Variants in PLRG1 observed in about 807,000 individuals in gnomAD.
The protein encoded by PLRG1 is pleiotropic regulator 1, also known as pleiotropic regulator 1 (PRL1 homolog, Arabidopsis).
PLRG1 carries 28 observed loss-of-function variants against 74.9 expected under a neutral mutation model. The ratio of observed to expected loss-of-function variants is 0.37; its 90% CI spans 0.28 to 0.51. PLRG1 has a LOEUF of 0.51. Among genes scored for constraint, PLRG1 ranks in the 20% least tolerant of loss-of-function variants. PLRG1 has a pLI of 0.91. For synonymous variants in PLRG1, 197 were observed against 212.4 expected, an observed-to-expected ratio of 0.93 and a Z score of 0.63; for missense variants, 445 against 631.9, an observed-to-expected ratio of 0.70 and a Z score of 3.17.
At chr4:154,546,359 A>T (rs980095782) in intron 4 of PLRG1, 146 bp from the exon 5 acceptor site, 1 of 609,808 alleles carries the variant, frequency 1.6e-6, no homozygotes, top group Non-Finnish European at 3.0e-6. Context: ...AGTTTTGCTC[A>T]TCTTTGTTTT....
chr4:154,547,933 T>G lies in PLRG1; in HGVS notation c.117-80A>C, dbSNP rs1205965550. The G allele has an allele frequency of 6.6e-6, 7 of 1,052,756 alleles. No individual in the cohort carries two copies. The African/African-American group carries it at 1.1e-4, about 17-fold the overall frequency. 65.2% of individuals were successfully genotyped at this position (1,052,756 alleles called of 1,614,324 possible). A position where few individuals can be genotyped will look rare whatever the true frequency, so the allele number is the denominator to read the frequency against. On this transcript the variant is annotated intron_variant, in intron 2 of 14. Transcript: ENST00000499023. ...CTTAGCTTAAGTTTGCCCATTCACGTAGAAAAAGTTTCTAGTATGATTTTA... is the reference window on the plus strand; with the variant it reads ...CTTAGCTTAAGTTTGCCCATTCACGGAGAAAAAGTTTCTAGTATGATTTTA...
In PLRG1 at chr4:154,535,281, A is replaced by G. The variant is rs1356418485; in HGVS notation, c.*1404T>C. ...CGAATACTTAGAAACAAATTGCATA[A>G]AGGTACCATCTATTAAACCAGTCCC... On this transcript the variant is annotated 3_prime_UTR_variant, in exon 15 of 15. Coordinates refer to ENST00000499023, the MANE Select transcript of PLRG1 (RefSeq NM_002669.4). 6.6e-6 allele frequency: 1 copy of G among 151,892 alleles called. No individual in the cohort carries two copies. The highest frequency in any genetic ancestry group is 2.4e-5 in the African/African-American group (1 of 41,352). 9.4% of individuals were successfully genotyped at this position (151,892 alleles called of 1,614,324 possible). A position where few individuals can be genotyped will look rare whatever the true frequency, so the allele number is the denominator to read the frequency against.
intron 7 of PLRG1, 44 bp from the exon 8 acceptor site, chr4:154,542,323 A>C: frequency 8.1e-7 from 1 of 1,236,442 alleles, no homozygotes; most frequent in Non-Finnish European, 1.2e-6. Context: ...GTAGAAGTTA[A>C]AATGTATTTA....
In PLRG1 at chr4:154,544,492, G is replaced by C. The variant is rs114473975; in HGVS notation, c.547C>G (p.Pro183Ala). The C allele has an allele frequency of 4.3e-4, 693 of 1,612,896 alleles. 5 individuals carry two copies. The African/African-American group carries it at 8.8e-3, about 20-fold the overall frequency. Residue 183 changes from proline (P) to alanine (A), a missense_variant, in exon 7 of 15, where the codon CCT becomes GCT. Pro to Ala is a conservative substitution (Grantham distance 27, BLOSUM62 -1). Transcript: ENST00000499023. Reference protein sequence around the residue: ...KNSALMAKKAPTMPKPQWHPP... With the variant: ...KNSALMAKKAATMPKPQWHPP... ...TGCCACTGGGGTTTTGGCATTGTAG[G>C]GGCTTTTTTAGCCATCAGTGCAGAG...
chr4:154,550,209 TG>T, intron 1 of PLRG1, 90 bp downstream of exon 1: 2 of 1,160,238 alleles, frequency 1.7e-6, no homozygotes, highest in Non-Finnish European at 2.6e-6. Context: ...CTTTTCTCTC[TG>T]GACTCCAAGT....
chr4:154,550,334 G>A lies in PLRG1; in HGVS notation c.-26C>T, dbSNP rs1410350323. The A allele has an allele frequency of 1.2e-6, 2 of 1,610,928 alleles. No individual in the cohort carries two copies. Among genetic ancestry groups the A allele is most frequent in the Admixed American group, 1.7e-5 (1 of 60,028 alleles). ...GATGCTACCGTGTATCCCACCTCCG[G>A]CAGGGAAGAAACTCTAATCACTAAC... On this transcript the variant is annotated 5_prime_UTR_variant, in exon 1 of 15. Transcript: ENST00000499023.
chr4:154,548,170 A>G (rs1729693533), intron 2 of PLRG1, among the ~76,000 whole-genome samples: 1 of 152,200 alleles, frequency 6.6e-6, no homozygotes, highest in African/African-American at 2.4e-5. Context: ...CAAAGTCAAT[A>G]TACTTTCCTT....
At position 154,550,351 on chromosome 4, in the gene PLRG1, A is replaced by T; in HGVS notation, c.-43T>A. The T allele has an allele frequency of 6.2e-7, 1 of 1,601,308 alleles. No individual in the cohort carries two copies. The highest frequency in any genetic ancestry group is 8.6e-7 in the Non-Finnish European group (1 of 1,168,578). ...CACCTCCGGCAGGGAAGAAACTCTAATCACTAACGCAGTACCCGCCGCCAC... is the reference window on the plus strand; with the variant it reads ...CACCTCCGGCAGGGAAGAAACTCTATTCACTAACGCAGTACCCGCCGCCAC... On this transcript the variant is annotated 5_prime_UTR_variant, in exon 1 of 15. Transcript: ENST00000499023.
chr4:154,536,936 A>G (rs1033109630), intron 14 of PLRG1, among the ~76,000 whole-genome samples, 192 bp from the exon 15 acceptor site: 1 of 152,098 alleles, frequency 6.6e-6, no homozygotes, highest in Non-Finnish European at 1.5e-5. Context: ...TGGATTCATT[A>G]TGTTTAGTTT....
intron 7 of PLRG1, 141 bp from the exon 8 acceptor site, chr4:154,542,420 T>C: frequency 1.6e-6 from 1 of 614,364 alleles, no homozygotes; most frequent in Non-Finnish European, 3.0e-6. Flanking sequence ...TAATATGAAA[T>C]TATCTTCAGT....
In PLRG1 at chr4:154,540,980, A is replaced by G. The variant is rs201022494; in HGVS notation, c.688-46T>C. ...TTTTTTTCTTTCACTGGTTACTGCA[A>G]AACAAAATTTTAGAAACCTGATTAT... is the stretch of plus-strand genomic sequence containing the variant. On this transcript the variant is annotated intron_variant, in intron 8 of 14. Coordinates refer to ENST00000499023, the MANE Select transcript of PLRG1 (RefSeq NM_002669.4). 154 of 1,434,272 alleles carry G rather than the reference A, an allele frequency of 1.1e-4. 1 individual carries two copies. The East Asian group carries it at 2.1e-3, about 19-fold the overall frequency. The allele number at this position is 1,434,272 out of a possible 1,614,324, so 88.8% of individuals were successfully genotyped here.
chr4:154,544,602 A>G (rs1190195779), intron 6 of PLRG1, 56 bp from the exon 7 acceptor site: 6 of 884,584 alleles, frequency 6.8e-6, no homozygotes, highest in South Asian at 3.1e-5. Flanking sequence ...AGGCTTCATG[A>G]TATCAATTCA....
chr4:154,545,687 G>T, intron 6 of PLRG1, 149 bp downstream of exon 6: 2 of 517,534 alleles, frequency 3.9e-6, no homozygotes, highest in Non-Finnish European at 7.0e-6. Context: ...CAAAAAATAC[G>T]TTAATTTACT....
At chr4:154,541,113 G>A (rs1729548777) in intron 8 of PLRG1, among the ~76,000 whole-genome samples, 179 bp from the exon 9 acceptor site, 1 of 152,072 alleles carries the variant, frequency 6.6e-6, no homozygotes, top group South Asian at 2.1e-4. Flanking sequence ...AAACTGGCAT[G>A]CTCAAACTGG....
In PLRG1 at chr4:154,547,712, T is replaced by C. The variant is rs1023855477; in HGVS notation, c.258A>G (p.Gln86=). 6 of 1,610,384 alleles carry C rather than the reference T, an allele frequency of 3.7e-6. No individual in the cohort carries two copies. In the Admixed American group the frequency reaches 1.0e-4, roughly 27 times the overall value. The stretch of plus-strand genomic sequence containing the variant: ...CATTTCTGATAATACCATACTCACC[T>C]TGATTGGCAGGGTACTGTTTATGAA... The part of the protein sequence containing the change: ...SYVHKQYPAN[Q]GQEVEYFVAG... Residue 86 remains glutamine, a splice_region_variant and synonymous_variant, in exon 3 of 15, where the codon CAA becomes CAG. Transcript: ENST00000499023.
At chr4:154,538,203 T>C (rs1217320677) in intron 12 of PLRG1, 95 bp from the exon 13 acceptor site, 2 of 528,654 alleles carry the variant, frequency 3.8e-6, no homozygotes, top group South Asian at 4.8e-5. Context: ...TTTTGCAGTG[T>C]GTACTCAATG....
Position 154,545,902 on chromosome 4 carries a change from G to T in PLRG1, c.426C>A (p.Ala142=), listed in dbSNP as rs1288130565. 1 of 1,611,082 alleles carries T rather than the reference G, an allele frequency of 6.2e-7. No homozygotes were observed. The highest frequency in any genetic ancestry group is 1.1e-5 in the South Asian group (1 of 90,970). ...GATGTCGGTATTCACTTCCACTAGG[G>T]GCAGTACGATTTGCATCAGCCCTGG... ...LQTKADANRT[A]PSGSEYRHPG... is the part of the protein sequence containing the mutation. The change falls in exon 6 of 15, where the codon GCC becomes GCA. Residue 142 remains alanine (A), a synonymous_variant. Coordinates refer to ENST00000499023, the MANE Select transcript of PLRG1 (RefSeq NM_002669.4).
chr4:154,537,590 C>T (rs1729474502), intron 13 of PLRG1, 111 bp from the exon 14 acceptor site: 4 of 692,124 alleles, frequency 5.8e-6, no homozygotes, highest in Non-Finnish European at 9.6e-6. Context: ...TATAAAAATA[C>T]ATAAGACACA....
At chr4:154,541,376 T>G (rs73856438) in intron 8 of PLRG1, among the ~76,000 whole-genome samples, 27 of 152,284 alleles carry the variant, frequency 1.8e-4, no homozygotes, top group African/African-American at 6.3e-4. Context: ...GTACAACCAA[T>G]GTGCTGAAAA....
Sources: allele counts gnomAD v4.1 joint callset (sites outside exome capture counted in the v4.1 genomes callset), GRCh38; gene constraint gnomAD v4.1.1; transcripts MANE v1.5; gene names NCBI Gene and HGNC (gene_info 2026-07-23, HGNC 2026-07-21).